The following PBX3 variants were observed in gnomAD, a reference collection of about 807,000 sequenced individuals.
The protein encoded by PBX3 is PBX homeobox 3.
In PBX3, 14 loss-of-function variants were observed where a neutral mutation model predicts 48.5. The observed-to-expected ratio is 0.29, with a 90% confidence interval of 0.19 to 0.45. The LOEUF (loss-of-function observed/expected upper bound fraction) is 0.45, where lower values mean the gene tolerates loss of function less well. Ranked by LOEUF, PBX3 falls within the 20% of genes least tolerant of loss-of-function variation. The pLI is 1.00. For synonymous variants in PBX3, 210 were observed against 200.3 expected, an observed-to-expected ratio of 1.05 and a Z score of -0.41; for missense variants, 386 against 546.7, an observed-to-expected ratio of 0.71 and a Z score of 2.93.
At chr9:125,801,209 A>T (rs1297623019) in intron 2 of PBX3, among the ~76,000 whole-genome samples, 1 of 152,234 alleles carries the variant, frequency 6.6e-6, no homozygotes. Context: ...GAACAATGAA[A>T]TACCTTGCAT....
chr9:125,962,133 T>A lies in PBX3; in HGVS notation c.1041T>A (p.Ser347=), dbSNP rs763704099. 1.4e-5 allele frequency: 22 copies of A among 1,611,894 alleles called. No homozygotes were observed. The highest frequency in any genetic ancestry group is 1.5e-5 in the Non-Finnish European group (18 of 1,178,020). Residue 347 remains serine (S), a synonymous_variant, in exon 7 of 9, where the codon TCT becomes TCA. Coordinates refer to ENST00000373489, the MANE Select transcript of PBX3 (RefSeq NM_006195.6). ...CTGGTTCTTTTAACCTCCCAAATTC[T>A]GGGGACATGTTCATGAACATGCAGA... is the stretch of plus-strand genomic sequence containing the variant. ...GSSGSFNLPN[S]GDMFMNMQSL...
At chr9:125,899,386 T>C (rs1472817764) in intron 2 of PBX3, among the ~76,000 whole-genome samples, 2 of 141,546 alleles carry the variant, frequency 1.4e-5, no homozygotes, top group Non-Finnish European at 3.0e-5. Context: ...TATATATTTT[T>C]ATATAAATAT....
intron 2 of PBX3, among the ~76,000 whole-genome samples, chr9:125,770,957 A>G (rs1477551411): frequency 2.0e-5 from 3 of 152,208 alleles, no homozygotes. Flanking sequence ...GTGTTATTCA[A>G]ATAATACCAG....
At chr9:125,947,398 AC>A (rs1421551606) in intron 5 of PBX3, among the ~76,000 whole-genome samples, 2 of 152,212 alleles carry the variant, frequency 1.3e-5, no homozygotes, top group African/African-American at 2.4e-5. Flanking sequence ...TAAGACTCTT[AC>A]GTTTTCCGGG....
intron 2 of PBX3, among the ~76,000 whole-genome samples, chr9:125,764,230 G>A (rs1836746183): frequency 6.6e-6 from 1 of 152,174 alleles, no homozygotes; most frequent in African/African-American, 2.4e-5. Context: ...CAAGGTACTT[G>A]CACTTGTCAG....
rs1391308072 is a variant in PBX3 at position 125,800,252 on chromosome 9, A to G, written c.274+51629A>G. Among the ~76,000 whole-genome samples, 13 of 152,218 alleles carry G rather than the reference A, an allele frequency of 8.5e-5. No homozygotes were observed. The East Asian group carries it at 2.5e-3, about 29-fold the overall frequency. On this transcript the variant is annotated intron_variant, in intron 2 of 8. Transcript: ENST00000373489. ...GTGTGATGTCAACAAAAGAGGTTGT[A>G]TATATCAATAATGAGCAAAAGCCAA...
At chr9:125,899,076 G>C (rs2132412107) in intron 2 of PBX3, among the ~76,000 whole-genome samples, 1 of 151,026 alleles carries the variant, frequency 6.6e-6, no homozygotes, top group South Asian at 2.1e-4. Context: ...AAGGAATGCT[G>C]CTGCTGTGCT....
intron 2 of PBX3, among the ~76,000 whole-genome samples, chr9:125,800,569 C>T (rs1431400880): frequency 2.0e-5 from 3 of 152,044 alleles, no homozygotes; most frequent in South Asian, 2.1e-4. Context: ...ATCCCAACAC[C>T]TCAGTGAAAC....
chr9:125,906,407 A>G (rs2132438816), intron 2 of PBX3, among the ~76,000 whole-genome samples: 1 of 152,168 alleles, frequency 6.6e-6, no homozygotes, highest in East Asian at 1.9e-4. Context: ...TGCAAGAGGA[A>G]AAAGAAAACC....
At chr9:125,908,102 A>G (rs950544989) in intron 2 of PBX3, among the ~76,000 whole-genome samples, 1 of 152,146 alleles carries the variant, frequency 6.6e-6, no homozygotes, top group Non-Finnish European at 1.5e-5. Context: ...TAACAAATGT[A>G]AGGTAAGAAA....
chr9:125,802,241 T>C (rs1455785040), intron 2 of PBX3, among the ~76,000 whole-genome samples: 2 of 151,868 alleles, frequency 1.3e-5, no homozygotes, highest in Non-Finnish European at 2.9e-5. Flanking sequence ...ACCCACTAGG[T>C]AGTTTTTCAG....
chr9:125,915,826 T>C lies in PBX3; in HGVS notation c.415T>C (p.Ser139Pro). ...GGCAGCAGCTGCAGCCGCGGCAGCC[T>C]CTGGAGGTTCTTCAGATAACTCTAT... The part of the protein sequence containing the change: ...SAAAAAAAAA[S>P]GGSSDNSIEH... The change falls in exon 3 of 9, where the codon TCT (serine) becomes CCT (proline). Residue 139 changes from serine (S) to proline (P), a missense_variant. Coordinates refer to ENST00000373489, the MANE Select transcript of PBX3 (RefSeq NM_006195.6). 1 of 1,614,126 alleles carries C rather than the reference T, an allele frequency of 6.2e-7. No individual in the cohort carries two copies. The highest frequency in any genetic ancestry group is 1.1e-5 in the South Asian group (1 of 91,078).
intron 1 of PBX3, among the ~76,000 whole-genome samples, chr9:125,747,860 C>A: frequency 6.6e-6 from 1 of 151,586 alleles, no homozygotes. Context: ...CTGGGGGGCT[C>A]GGGACGGACT....
intron 2 of PBX3, among the ~76,000 whole-genome samples, chr9:125,913,492 G>A (rs537110173): frequency 2.7e-4 from 41 of 152,144 alleles, no homozygotes; most frequent in African/African-American, 7.7e-4. Context: ...ATATACATAT[G>A]TATAAAAGTA....
intron 2 of PBX3, among the ~76,000 whole-genome samples, chr9:125,861,480 G>T (rs993602418): frequency 6.6e-6 from 1 of 151,826 alleles, no homozygotes; most frequent in Non-Finnish European, 1.5e-5. Flanking sequence ...TTATGCCTAG[G>T]TATATACCCA....
At chr9:125,804,915 C>CATGTCTGAGAT in intron 2 of PBX3, among the ~76,000 whole-genome samples, 1 of 40,234 alleles carries the variant, frequency 2.5e-5, no homozygotes, top group East Asian at 1.1e-3. Context: ...CCACTGCACT[C>CATGTCTGAGAT]CAGCCTGGGT....
At chr9:125,788,715 AAC>A (rs1373097835) in intron 2 of PBX3, among the ~76,000 whole-genome samples, 3 of 152,076 alleles carry the variant, frequency 2.0e-5, no homozygotes, top group Non-Finnish European at 4.4e-5. Flanking sequence ...TCTACTAAAA[AAC>A]ACAAAAAATT....
chr9:125,959,420 A>G (rs1483516005), intron 5 of PBX3, among the ~76,000 whole-genome samples: 2 of 152,240 alleles, frequency 1.3e-5, no homozygotes, highest in East Asian at 3.8e-4. Context: ...CATAATCCCC[A>G]GGATGGACAG....
intron 5 of PBX3, among the ~76,000 whole-genome samples, chr9:125,940,986 A>G (rs1012699721): frequency 5.3e-5 from 8 of 152,182 alleles, no homozygotes; most frequent in African/African-American, 1.4e-4. Context: ...GTTTACTTTC[A>G]TAACAAAAAC....
Sources: allele counts gnomAD v4.1 joint callset (sites outside exome capture counted in the v4.1 genomes callset), GRCh38; gene constraint gnomAD v4.1.1; transcripts MANE v1.5; gene names NCBI Gene and HGNC (gene_info 2026-07-23, HGNC 2026-07-21).